Variants in KLF12 observed in about 807,000 individuals in gnomAD.
The protein encoded by KLF12 is Krueppel-like factor 12.
Under a neutral mutation model 37.8 loss-of-function variants are expected in KLF12, and 9 were observed. The observed-to-expected ratio is 0.24, with a 90% CI of 0.14 to 0.42. The LOEUF (loss-of-function observed/expected upper bound fraction) is 0.42, where lower values mean the gene tolerates loss of function less well. Among genes scored for constraint, KLF12 ranks in the 10% least tolerant of loss-of-function variants. The pLI is 1.00. For synonymous variants in KLF12, 208 were observed against 202.1 expected (o/e 1.03, Z -0.25); for missense variants, 411 against 516.0 (o/e 0.80, Z 1.97).
chr13:73,790,539 C>A (rs1474209399), intron 5 of KLF12, among the ~76,000 whole-genome samples: 1 of 152,082 alleles, frequency 6.6e-6, no homozygotes, highest in African/African-American at 2.4e-5. Flanking sequence ...AATGAAAACC[C>A]AATACTTTCC....
At chr13:73,918,923 T>C (rs1374857204) in intron 3 of KLF12, among the ~76,000 whole-genome samples, 1 of 152,204 alleles carries the variant, frequency 6.6e-6, no homozygotes, top group Admixed American at 6.5e-5. Context: ...ACCTGAAACA[T>C]GTCATTACCT....
At chr13:73,758,571 G>A (rs760837745) in intron 6 of KLF12, among the ~76,000 whole-genome samples, 1 of 152,078 alleles carries the variant, frequency 6.6e-6, no homozygotes, top group Non-Finnish European at 1.5e-5. Flanking sequence ...ATGTCTTATG[G>A]GTTCACATGT....
At chr13:73,905,016 T>G (rs1232464709) in intron 3 of KLF12, among the ~76,000 whole-genome samples, 5 of 152,174 alleles carry the variant, frequency 3.3e-5, no homozygotes. Flanking sequence ...TATAGCTTTC[T>G]GAAGTGTTGA....
At chr13:74,300,071 C>T in the KLF12 span, among the ~76,000 whole-genome samples, 1 of 151,936 alleles carries the variant, frequency 6.6e-6, no homozygotes, top group South Asian at 2.1e-4. Context: ...GGGGAAATCA[C>T]CTTTTATCCT....
intron 1 of KLF12, among the ~76,000 whole-genome samples, chr13:74,085,721 C>A (rs1019388058): frequency 6.6e-6 from 1 of 152,142 alleles, no homozygotes; most frequent in African/African-American, 2.4e-5. Flanking sequence ...GATTGTGCAC[C>A]AATTCCTGGG....
rs1890299785 is a variant in KLF12 at position 73,943,835 on chromosome 13, A to G, written c.123+146T>C. Reference sequence around the variant, plus strand: ...TGCAAATGGGTACAGATCAACCACAATCTCAGATTTTTGTTTGTTTTAACC... The same window carrying G: ...TGCAAATGGGTACAGATCAACCACAGTCTCAGATTTTTGTTTGTTTTAACC... On this transcript the variant is annotated intron_variant, in intron 3 of 7. Coordinates refer to ENST00000377669, the MANE Select transcript of KLF12 (RefSeq NM_007249.5). The G allele has an allele frequency of 6.7e-6, 4 of 599,198 alleles. No individual in the cohort carries two copies. The South Asian group carries it at 8.6e-5, about 13-fold the overall frequency. 37.1% of individuals were successfully genotyped at this position (599,198 alleles called of 1,614,324 possible).
intron 5 of KLF12, among the ~76,000 whole-genome samples, chr13:73,788,627 T>C (rs907833617): frequency 4.0e-5 from 6 of 150,034 alleles, no homozygotes; most frequent in Admixed American, 3.9e-4. Flanking sequence ...CCTTTATCTA[T>C]AAATGCCTGC....
chr13:74,288,047 A>G, the KLF12 span, among the ~76,000 whole-genome samples: 1 of 147,810 alleles, frequency 6.8e-6, no homozygotes, highest in African/African-American at 2.5e-5. Context: ...TTCTGCTTTC[A>G]GCAGCTACTT....
intron 4 of KLF12, among the ~76,000 whole-genome samples, chr13:73,836,099 C>A (rs764700191): frequency 4.6e-5 from 7 of 151,146 alleles, no homozygotes; most frequent in African/African-American, 7.3e-5. Context: ...GGCCAATGAT[C>A]AAAGTAGCAT....
intron 1 of KLF12, among the ~76,000 whole-genome samples, chr13:74,114,230 C>A (rs754374345): frequency 2.6e-5 from 4 of 152,146 alleles, no homozygotes; most frequent in Non-Finnish European, 5.9e-5. Context: ...CAGCAGCCAT[C>A]AACATCCAAG....
chr13:74,271,626 T>C, the KLF12 span, among the ~76,000 whole-genome samples: 3 of 152,232 alleles, frequency 2.0e-5, no homozygotes, highest in Non-Finnish European at 4.4e-5. Flanking sequence ...AAACATTTCA[T>C]ATCCAGCTTT....
chr13:73,761,480 A>G (rs1325413243), intron 6 of KLF12, among the ~76,000 whole-genome samples: 1 of 152,094 alleles, frequency 6.6e-6, no homozygotes, highest in Non-Finnish European at 1.5e-5. Flanking sequence ...TGCACAACAC[A>G]TCTCATTATC....
intron 2 of KLF12, among the ~76,000 whole-genome samples, chr13:73,987,921 A>G (rs755902624): frequency 2.0e-5 from 3 of 151,540 alleles, no homozygotes; most frequent in Non-Finnish European, 4.4e-5. Flanking sequence ...AAGGAGAGGA[A>G]GGTAGAAAAA....
At position 73,751,044 on chromosome 13, in the gene KLF12, T is replaced by C. The variant is rs1188243016; in HGVS notation, c.869+13894A>G. Among the ~76,000 whole-genome samples, 3 of 152,164 alleles carry C rather than the reference T, an allele frequency of 2.0e-5. No homozygotes were observed. The East Asian group carries it at 5.8e-4, about 29-fold the overall frequency. ...CATTTGCATTTTATAATAATCACTG[T>C]AGGCATGGCAATGATTGGATTCAGA... On this transcript the variant is annotated intron_variant, in intron 6 of 7. Transcript: ENST00000377669.
intron 6 of KLF12, among the ~76,000 whole-genome samples, chr13:73,731,810 T>A (rs1566326115): frequency 6.6e-6 from 1 of 152,166 alleles, no homozygotes; most frequent in Non-Finnish European, 1.5e-5. Context: ...CATATGAGAA[T>A]AGCTTGAAAG....
the KLF12 span, among the ~76,000 whole-genome samples, chr13:74,270,033 A>G: frequency 1.3e-5 from 2 of 152,318 alleles, no homozygotes; most frequent in South Asian, 4.1e-4. Flanking sequence ...AGAGGTCTTA[A>G]CTGTAATCCT....
chr13:73,741,474 C>T (rs1193872076), intron 6 of KLF12, among the ~76,000 whole-genome samples: 1 of 152,176 alleles, frequency 6.6e-6, no homozygotes, highest in Non-Finnish European at 1.5e-5. Flanking sequence ...AGAATTATGG[C>T]AAAGATTTCT....
chr13:74,038,214 G>GA (rs1486640891), intron 1 of KLF12, among the ~76,000 whole-genome samples: 6 of 152,166 alleles, frequency 3.9e-5, no homozygotes, highest in Non-Finnish European at 8.8e-5. Context: ...AGGAGACAAG[G>GA]AATCTCCTGT....
intron 3 of KLF12, among the ~76,000 whole-genome samples, chr13:73,859,068 T>A (rs1246953687): frequency 3.9e-5 from 6 of 152,144 alleles, no homozygotes; most frequent in African/African-American, 1.4e-4. Flanking sequence ...CCCAGAAAAC[T>A]GGGTTCACTT....
Sources: gnomAD v4.1 joint callset for allele counts (sites outside exome capture counted in the v4.1 genomes callset) on GRCh38, gnomAD v4.1.1 for gene constraint, MANE v1.5 for transcripts, NCBI Gene and HGNC (gene_info 2026-07-23, HGNC 2026-07-21) for gene names.